Variants in PDE9A observed in about 807,000 individuals in gnomAD.
The protein encoded by PDE9A is high affinity cGMP-specific 3',5'-cyclic phosphodiesterase 9A.
A neutral mutation model predicts 87.4 loss-of-function variants in PDE9A; 60 were observed. The ratio of observed to expected loss-of-function variants is 0.69; its 90% CI spans 0.56 to 0.85. The LOEUF is 0.85. Among genes scored for constraint, PDE9A ranks in the 40% least tolerant of loss-of-function variants. The probability of loss-of-function intolerance (pLI) is 0.00; values close to 1 mark genes in which losing one functional copy is unlikely to be tolerated. For synonymous variants in PDE9A, 272 were observed against 279.4 expected (o/e 0.97, Z 0.27); for missense variants, 665 against 779.0 (o/e 0.85, Z 1.74).
chr21:42,700,329 T>C (rs1183333919), intron 4 of PDE9A, among the ~76,000 whole-genome samples: 1 of 152,150 alleles, frequency 6.6e-6, no homozygotes, highest in Non-Finnish European at 1.5e-5. Flanking sequence ...AAAGTACAAG[T>C]ATTGGTGGAA....
chr21:42,760,563 T>C lies in PDE9A; in HGVS notation c.1002+131T>C. Reference sequence around the variant, plus strand: ...GGGTCCCCAGCCGCTCCGCCCCTCCTAGGGACGCACCCCTGCCCACCGTTG... The same window carrying C: ...GGGTCCCCAGCCGCTCCGCCCCTCCCAGGGACGCACCCCTGCCCACCGTTG... On this transcript the variant is annotated intron_variant, in intron 12 of 19. Transcript: ENST00000291539. The surrounding 1 kb of genome is among the most constrained non-coding windows in gnomAD (Gnocchi z 5.2). The C allele has an allele frequency of 1.5e-6, 1 of 650,308 alleles. No homozygotes were observed. Among genetic ancestry groups the C allele is most frequent in the Non-Finnish European group, 2.7e-6 (1 of 366,774 alleles). The allele number at this position is 650,308 out of a possible 1,614,324, so 40.3% of individuals were successfully genotyped here.
At chr21:42,679,496 G>A (rs76899905) in intron 1 of PDE9A, among the ~76,000 whole-genome samples, 5,863 of 152,134 alleles carry the variant, frequency 0.039, 373 homozygotes, top group African/African-American at 0.13. Context: ...CCTCCTTCTG[G>A]ACCCAGTGTC....
intron 3 of PDE9A, among the ~76,000 whole-genome samples, chr21:42,690,395 G>T (rs67390330): frequency 6.6e-6 from 1 of 150,730 alleles, no homozygotes; most frequent in African/African-American, 2.4e-5. Context: ...GATCTAGACA[G>T]CGATGTGGAT....
rs1444262669 is a variant in PDE9A, at chr21:42,739,038, C to T, written c.569-4738C>T. Among the ~76,000 whole-genome samples the T allele has an allele frequency of 3.3e-5, 5 of 152,174 alleles. No individual in the cohort carries two copies. On this transcript the variant is annotated intron_variant, in intron 7 of 19. Transcript: ENST00000291539. The surrounding 1 kb of genome is among the most constrained non-coding windows in gnomAD (Gnocchi z 4.1). ...CCCGGGGTTTCCAGATAATACTAGCCCCACACACAGGCATGTCCTAGGGTC... is the reference window on the plus strand; with the variant it reads ...CCCGGGGTTTCCAGATAATACTAGCTCCACACACAGGCATGTCCTAGGGTC...
intron 1 of PDE9A, among the ~76,000 whole-genome samples, chr21:42,657,136 G>A (rs536623340): frequency 1.3e-5 from 2 of 152,156 alleles, no homozygotes; most frequent in African/African-American, 4.8e-5. Context: ...TGGGCTTTGT[G>A]GGGAAGGAGC....
intron 3 of PDE9A, chr21:42,690,030 G>A: frequency 1.0e-6 from 1 of 985,456 alleles, no homozygotes; most frequent in Non-Finnish European, 1.2e-6. Flanking sequence ...AGAAGGTGGA[G>A]ACAGACGCGG....
chr21:42,707,095 C>A (rs938772696), intron 4 of PDE9A, among the ~76,000 whole-genome samples: 2 of 152,142 alleles, frequency 1.3e-5, no homozygotes, highest in African/African-American at 4.8e-5. Context: ...CTGCTGCAAA[C>A]GTTTGTGTGC....
Position 42,760,950 on chromosome 21 carries a change from C to A in PDE9A, c.1085+43C>A. Reference sequence around the variant, plus strand: ...TCTTTTTTTCCTTTTAAAAGGCACCCTGGCTACTGGAGGGAACCTGTCAGC... The same window carrying A: ...TCTTTTTTTCCTTTTAAAAGGCACCATGGCTACTGGAGGGAACCTGTCAGC... On this transcript the variant is annotated intron_variant, in intron 13 of 19. Coordinates refer to ENST00000291539, the MANE Select transcript of PDE9A (RefSeq NM_002606.3). This position sits in a 1 kb window ranked among gnomAD's most constrained non-coding sequence, Gnocchi z 5.2. The A allele has an allele frequency of 7.7e-7, 1 of 1,295,278 alleles. No homozygotes were observed. Among genetic ancestry groups the A allele is most frequent in the Non-Finnish European group, 1.1e-6 (1 of 889,916 alleles). The allele number at this position is 1,295,278 out of a possible 1,614,324, so 80.2% of individuals were successfully genotyped here. A position where few individuals can be genotyped will look rare whatever the true frequency, so the allele number is the denominator to read the frequency against.
chr21:42,736,194 G>A (rs903268013), intron 7 of PDE9A, among the ~76,000 whole-genome samples: 9 of 152,132 alleles, frequency 5.9e-5, no homozygotes, highest in Admixed American at 3.3e-4. Context: ...AAACAGGCAA[G>A]TTGAAGAGGC....
intron 8 of PDE9A, among the ~76,000 whole-genome samples, chr21:42,750,466 GTTTT>G (rs1050505541): frequency 6.9e-6 from 1 of 145,192 alleles, no homozygotes; most frequent in East Asian, 2.0e-4. Flanking sequence ...ATATTTTGGT[GTTTT>G]TTTTTTTACT....
intron 1 of PDE9A, among the ~76,000 whole-genome samples, chr21:42,662,612 A>G (rs1294444180): frequency 7.3e-6 from 1 of 136,410 alleles, no homozygotes; most frequent in Non-Finnish European, 1.6e-5. Context: ...ATGCACACAC[A>G]CCACACACAC....
intron 7 of PDE9A, among the ~76,000 whole-genome samples, chr21:42,740,452 AAAAAG>A (rs1458969835): frequency 1.3e-5 from 2 of 152,004 alleles, no homozygotes; most frequent in South Asian, 2.1e-4. Flanking sequence ...TCAAAAAAAA[AAAAAG>A]AAAAGAAAAG....
chr21:42,726,616 A>G (rs1160913137), intron 4 of PDE9A, among the ~76,000 whole-genome samples: 3 of 23,164 alleles, frequency 1.3e-4, no homozygotes, highest in African/African-American at 9.9e-4. Context: ...ATATATATAT[A>G]TATATATATT....
intron 4 of PDE9A, among the ~76,000 whole-genome samples, 165 bp from the exon 5 acceptor site, chr21:42,731,605 C>G (rs1311230382): frequency 6.6e-6 from 1 of 152,186 alleles, no homozygotes; most frequent in Non-Finnish European, 1.5e-5. Context: ...ACCGGCTGGA[C>G]CCAGGCCTGC....
chr21:42,730,613 G>T lies in PDE9A; in HGVS notation c.263-1157G>T, dbSNP rs563779498. Among the ~76,000 whole-genome samples, 93 of 152,146 alleles carry T rather than the reference G, an allele frequency of 6.1e-4. 1 individual carries two copies. The highest frequency in any genetic ancestry group is 2.1e-3 in the African/African-American group (89 of 41,508). ...TCTCCCAATATGTTTTCAAAAGCAG[G>T]ATCACTCTCTATGACTGCTTTAAAA... is the stretch of plus-strand genomic sequence containing the variant. On this transcript the variant is annotated intron_variant, in intron 4 of 19. Coordinates refer to ENST00000291539, the MANE Select transcript of PDE9A (RefSeq NM_002606.3).
rs76569323 is a variant in PDE9A at position 42,667,472 on chromosome 21, C to T, written c.69+13589C>T. Among the ~76,000 whole-genome samples, 1,170 of 152,174 alleles carry T rather than the reference C, an allele frequency of 7.7e-3. 9 individuals are homozygous for T. Among genetic ancestry groups the T allele is most frequent in the African/African-American group, 0.027 (1,130 of 41,498 alleles). On this transcript the variant is annotated intron_variant, in intron 1 of 19. Transcript: ENST00000291539. ...AAAGAGTTTTGAATAGAAACACACC[C>T]CTCCCTCCCAGTTGCCTGCCCAGTA...
chr21:42,678,767 C>T (rs2058992778), intron 1 of PDE9A, among the ~76,000 whole-genome samples: 1 of 152,234 alleles, frequency 6.6e-6, no homozygotes, highest in African/African-American at 2.4e-5. Context: ...GCGGCCACCT[C>T]CCGGGGGAAA....
intron 3 of PDE9A, 103 bp from the exon 4 acceptor site, chr21:42,698,865 C>T: frequency 4.5e-6 from 3 of 665,886 alleles, no homozygotes; most frequent in Non-Finnish European, 7.9e-6. Context: ...AAAGAACCAC[C>T]TAATCCGCTG....
At chr21:42,750,467 T>G (rs892939275) in intron 8 of PDE9A, among the ~76,000 whole-genome samples, 14 of 147,896 alleles carry the variant, frequency 9.5e-5, no homozygotes, top group African/African-American at 2.2e-4. Flanking sequence ...TATTTTGGTG[T>G]TTTTTTTTTT....
Sources: allele counts gnomAD v4.1 joint callset (sites outside exome capture counted in the v4.1 genomes callset), GRCh38; gene constraint gnomAD v4.1.1; non-coding constraint Gnocchi (gnomAD v3.1); transcripts MANE v1.5; gene names NCBI Gene and HGNC (gene_info 2026-07-23, HGNC 2026-07-21).